CCL17: variants seen among roughly 807,000 people sequenced by gnomAD.
CCL17 encodes the protein C-C motif chemokine ligand 17.
CCL17 carries 8 observed loss-of-function variants against 7.4 expected under a neutral mutation model. The ratio of observed to expected loss-of-function variants is 1.09; its 90% CI spans 0.64 to 1.96. The LOEUF is 1.96. CCL17 is among the 30% of genes most tolerant of loss of function. The probability of loss-of-function intolerance (pLI) is 0.00; values close to 1 mark genes in which losing one functional copy is unlikely to be tolerated. For missense variants in CCL17, 102 were observed against 113.0 expected (o/e 0.90, Z 0.44); for synonymous variants, 40 against 46.1 (o/e 0.87, Z 0.54).
At chr16:57,403,498 TATAATATATATATTATA>T, upstream of CCL17, among the ~76,000 whole-genome samples, 1 of 24,782 alleles carries the variant, frequency 4.0e-5, no homozygotes, top group African/African-American at 2.6e-4. Flanking sequence ...ATATATATAT[TATAATATATATATTATA>T]TTATATATAT....
At position 57,415,723 on chromosome 16, in the gene CCL17, T is replaced by G. The variant is rs1348492304; in HGVS notation, c.189-42T>G. On this transcript the variant is annotated intron_variant, in intron 3 of 3. Transcript: ENST00000219244. This position sits in a 1 kb window ranked among gnomAD's most constrained non-coding sequence, Gnocchi z 4.5. ...GCCGTCCCAGGGACTCTGGGGGCCC[T>G]TCCCCCCCTGCCACTCCTGGTAACG... 8 of 1,345,404 alleles carry G rather than the reference T, an allele frequency of 5.9e-6. No individual in the cohort carries two copies. Among genetic ancestry groups the G allele is most frequent in the Non-Finnish European group, 8.6e-6 (8 of 935,218 alleles). 83.3% of individuals were successfully genotyped at this position (1,345,404 alleles called of 1,614,324 possible).
intron 1 of CCL17, among the ~76,000 whole-genome samples, chr16:57,407,336 A>ACTTC (rs1902711149): frequency 2.0e-5 from 3 of 152,302 alleles, no homozygotes; most frequent in Admixed American, 6.5e-5. Flanking sequence ...ACCACAAGGA[A>ACTTC]GTTGTAAACT....
chr16:57,401,172 T>C (rs1185998326), upstream of CCL17, among the ~76,000 whole-genome samples: 1 of 152,084 alleles, frequency 6.6e-6, no homozygotes, highest in Non-Finnish European at 1.5e-5. Context: ...TCAGGTGTGA[T>C]GCCGCAAGAT....
Position 57,413,971 on chromosome 16 carries a change from C to T in CCL17, c.39C>T (p.Leu13=), listed in dbSNP as rs781663126. ...AGATGCTGGCCCTGGTCACCCTCCT[C>T]CTGGGGGCTTCTCTGCAGCACATCC... The part of the protein sequence containing the change: ...PLKMLALVTL[L]LGASLQHIHA... Residue 13 remains leucine (L), a synonymous_variant, in exon 2 of 4, where the codon CTC becomes CTT. Transcript: ENST00000219244. The T allele has an allele frequency of 1.2e-6, 2 of 1,611,470 alleles. No homozygotes were observed. The highest frequency in any genetic ancestry group is 1.3e-5 in the African/African-American group (1 of 74,878).
intron 1 of CCL17, among the ~76,000 whole-genome samples, chr16:57,405,267 A>C (rs1423593131): frequency 1.3e-5 from 2 of 152,154 alleles, no homozygotes; most frequent in African/African-American, 4.8e-5. Flanking sequence ...AGAGGAAGAA[A>C]TAGGCCCAGA....
chr16:57,411,148 G>T (rs76894007), intron 1 of CCL17, among the ~76,000 whole-genome samples: 2 of 152,126 alleles, frequency 1.3e-5, no homozygotes, highest in Non-Finnish European at 2.9e-5. Context: ...AGCCTTCCAC[G>T]AATTCTGGCC....
rs1902853252 is a variant in CCL17, at chr16:57,415,352, G to A, written c.188+154G>A. On this transcript the variant is annotated intron_variant, in intron 3 of 3. Coordinates refer to ENST00000219244, the MANE Select transcript of CCL17 (RefSeq NM_002987.3). This position sits in a 1 kb window ranked among gnomAD's most constrained non-coding sequence, Gnocchi z 4.5. ...GCTCCCCACACTGTGGGACCCAAAAGGGCCGCAGGCCATGAGGTCCAACCT... is the reference window on the plus strand; with the variant it reads ...GCTCCCCACACTGTGGGACCCAAAAAGGCCGCAGGCCATGAGGTCCAACCT... 6.6e-6 allele frequency among the ~76,000 whole-genome samples: 1 copy of A among 152,250 alleles called. No individual in the cohort carries two copies. Among genetic ancestry groups the A allele is most frequent in the Non-Finnish European group, 1.5e-5 (1 of 68,048 alleles).
At chr16:57,403,041 G>A (rs537988577), upstream of CCL17, among the ~76,000 whole-genome samples, 9 of 131,384 alleles carry the variant, frequency 6.9e-5, no homozygotes, top group Admixed American at 2.8e-4. Flanking sequence ...AAAAAAAAGA[G>A]CAGAGGAAGA....
rs1485200825 is a variant in CCL17, at chr16:57,415,936, A to C, written c.*75A>C. 9.3e-6 allele frequency: 9 copies of C among 972,124 alleles called. No individual in the cohort carries two copies. The highest frequency in any genetic ancestry group is 5.5e-5 in the Admixed American group (3 of 54,238). The allele number at this position is 972,124 out of a possible 1,614,324, so 60.2% of individuals were successfully genotyped here. On this transcript the variant is annotated 3_prime_UTR_variant, in exon 4 of 4. Coordinates refer to ENST00000219244, the MANE Select transcript of CCL17 (RefSeq NM_002987.3). The surrounding 1 kb of genome is among the most constrained non-coding windows in gnomAD (Gnocchi z 4.5). ...TCCACCGTTGGTGTTCACCGCCCCCACCCTGAGCGCCTGGGTCCAGGGGAG... is the reference window on the plus strand; with the variant it reads ...TCCACCGTTGGTGTTCACCGCCCCCCCCCTGAGCGCCTGGGTCCAGGGGAG...
rs1227119836 is a variant in CCL17, at chr16:57,415,585, C to A, written c.189-180C>A. 6.6e-6 allele frequency among the ~76,000 whole-genome samples: 1 copy of A among 152,124 alleles called. No homozygotes were observed. The highest frequency in any genetic ancestry group is 1.5e-5 in the Non-Finnish European group (1 of 68,008). On this transcript the variant is annotated intron_variant, in intron 3 of 3. Coordinates refer to ENST00000219244, the MANE Select transcript of CCL17 (RefSeq NM_002987.3). This position sits in a 1 kb window ranked among gnomAD's most constrained non-coding sequence, Gnocchi z 4.5. ...TGCAGCCCTGGCTCCCTGGGAGGGT[C>A]GAGATTACTCGGGACAGAGCCTGAA...
Position 57,415,332 on chromosome 16 carries a change from C to A in CCL17, c.188+134C>A. The A allele has an allele frequency of 1.5e-6, 1 of 672,938 alleles. No individual in the cohort carries two copies. Among genetic ancestry groups the A allele is most frequent in the East Asian group, 2.6e-5 (1 of 37,924 alleles). The allele number at this position is 672,938 out of a possible 1,614,324, so 41.7% of individuals were successfully genotyped here. On this transcript the variant is annotated intron_variant, in intron 3 of 3. Transcript: ENST00000219244. This position sits in a 1 kb window ranked among gnomAD's most constrained non-coding sequence, Gnocchi z 4.5. ...TTCCTCCCCAACCCCTGCAGGCTCC[C>A]CACACTGTGGGACCCAAAAGGGCCG...
chr16:57,414,994 C>G (rs1322180355), intron 2 of CCL17, 87 bp from the exon 3 acceptor site: 1 of 816,366 alleles, frequency 1.2e-6, no homozygotes, highest in Non-Finnish European at 2.2e-6. Flanking sequence ...CACGCACATG[C>G]AGATCTTCCA....
upstream of CCL17, among the ~76,000 whole-genome samples, chr16:57,401,903 C>T (rs898880464): frequency 6.6e-6 from 1 of 152,162 alleles, no homozygotes; most frequent in Non-Finnish European, 1.5e-5. Flanking sequence ...TCTCTGTCTT[C>T]ACTCCCCAAC....
At chr16:57,412,297 C>T (rs1464236577) in intron 1 of CCL17, among the ~76,000 whole-genome samples, 1 of 152,144 alleles carries the variant, frequency 6.6e-6, no homozygotes, top group East Asian at 1.9e-4. Flanking sequence ...CAGCCACAGG[C>T]TCCCAGGCAG....
At chr16:57,407,826 A>G (rs1278308056) in intron 1 of CCL17, among the ~76,000 whole-genome samples, 1 of 151,496 alleles carries the variant, frequency 6.6e-6, no homozygotes, top group African/African-American at 2.4e-5. Flanking sequence ...CTGTCCATCC[A>G]TTCATTCATT....
chr16:57,413,542 C>T (rs1456043513), intron 1 of CCL17, among the ~76,000 whole-genome samples: 1 of 152,210 alleles, frequency 6.6e-6, no homozygotes, highest in Non-Finnish European at 1.5e-5. Context: ...CTCAAGCCAC[C>T]ATGCATGAAG....
At position 57,415,568 on chromosome 16, in the gene CCL17, T is replaced by C. The variant is rs796363399; in HGVS notation, c.189-197T>C. On this transcript the variant is annotated intron_variant, in intron 3 of 3. Transcript: ENST00000219244. This position sits in a 1 kb window ranked among gnomAD's most constrained non-coding sequence, Gnocchi z 4.5. ...GGGTGGGCACAAGTTCCTGCAGCCC[T>C]GGCTCCCTGGGAGGGTCGAGATTAC... 7.9e-5 allele frequency among the ~76,000 whole-genome samples: 12 copies of C among 152,326 alleles called. No homozygotes were observed. The highest frequency in any genetic ancestry group is 2.6e-4 in the African/African-American group (11 of 41,582).
At chr16:57,405,702 G>C (rs1225517997) in intron 1 of CCL17, among the ~76,000 whole-genome samples, 11 of 152,054 alleles carry the variant, frequency 7.2e-5, no homozygotes, top group African/African-American at 2.2e-4. Flanking sequence ...GGGTGTGTCT[G>C]ATTAGTTACT....
chr16:57,414,667 G>C (rs1902839374), intron 2 of CCL17, among the ~76,000 whole-genome samples: 1 of 152,066 alleles, frequency 6.6e-6, no homozygotes, highest in African/African-American at 2.4e-5. Flanking sequence ...AAAGTGCTGG[G>C]ATTACAGGCA....
Sources: allele counts gnomAD v4.1 joint callset (sites outside exome capture counted in the v4.1 genomes callset), GRCh38; gene constraint gnomAD v4.1.1; non-coding constraint Gnocchi (gnomAD v3.1); transcripts MANE v1.5; gene names NCBI Gene and HGNC (gene_info 2026-07-23, HGNC 2026-07-21).